Variants in ASIC2 observed in about 807,000 individuals in gnomAD.
ASIC2 encodes the protein acid-sensing ion channel 2.
Under a neutral mutation model 57.3 loss-of-function variants are expected in ASIC2, and 25 were observed. That is an observed-to-expected ratio of 0.44 (90% CI 0.32 to 0.61). The LOEUF (loss-of-function observed/expected upper bound fraction) is 0.61. ASIC2 is among the 20% of genes least tolerant of loss of function. The probability of loss-of-function intolerance (pLI) is 0.06; values close to 1 mark genes in which losing one functional copy is unlikely to be tolerated. For synonymous variants in ASIC2, 319 were observed against 307.5 expected, an observed-to-expected ratio of 1.04 and a Z score of -0.39; for missense variants, 641 against 738.1, an observed-to-expected ratio of 0.87 and a Z score of 1.52.
At chr17:33,750,547 G>A (rs1404236944) in intron 1 of ASIC2, among the ~76,000 whole-genome samples, 3 of 152,068 alleles carry the variant, frequency 2.0e-5, no homozygotes, top group Admixed American at 6.6e-5. Context: ...TAGTGCCGAG[G>A]GCCCTACATT....
intron 1 of ASIC2, among the ~76,000 whole-genome samples, chr17:33,626,080 T>C (rs1271104973): frequency 2.0e-5 from 3 of 152,212 alleles, no homozygotes; most frequent in African/African-American, 7.2e-5. Flanking sequence ...CATTAGCAAC[T>C]CACATTATCT....
intron 1 of ASIC2, among the ~76,000 whole-genome samples, chr17:33,986,127 C>A (rs909214202): frequency 6.6e-6 from 1 of 152,104 alleles, no homozygotes; most frequent in Non-Finnish European, 1.5e-5. Flanking sequence ...AGACACCATA[C>A]AATTTCATAA....
intron 1 of ASIC2, among the ~76,000 whole-genome samples, chr17:33,810,460 G>T (rs1408418794): frequency 6.6e-6 from 1 of 152,190 alleles, no homozygotes; most frequent in Admixed American, 6.5e-5. Context: ...AAAGAACCCA[G>T]GTAATGATTC....
At chr17:33,892,169 A>G (rs1914978062) in intron 1 of ASIC2, among the ~76,000 whole-genome samples, 1 of 152,242 alleles carries the variant, frequency 6.6e-6, no homozygotes, top group Non-Finnish European at 1.5e-5. Flanking sequence ...TTTGAGAAAT[A>G]GACAATGAAC....
At chr17:34,074,007 T>C (rs1909527820) in intron 1 of ASIC2, among the ~76,000 whole-genome samples, 1 of 152,088 alleles carries the variant, frequency 6.6e-6, no homozygotes, top group South Asian at 2.1e-4. Flanking sequence ...CAGTTCCTTC[T>C]CTCCCCAGAA....
At chr17:33,968,900 T>TTGTG (rs1476430929) in intron 1 of ASIC2, among the ~76,000 whole-genome samples, 4 of 152,228 alleles carry the variant, frequency 2.6e-5, no homozygotes, top group African/African-American at 9.6e-5. Flanking sequence ...GACAGGGGGC[T>TTGTG]TGTGACAGGT....
At chr17:33,019,361 T>C (rs551888122) in intron 7 of ASIC2, among the ~76,000 whole-genome samples, 4 of 151,536 alleles carry the variant, frequency 2.6e-5, no homozygotes, top group South Asian at 4.2e-4. Context: ...GTGGGTGTGC[T>C]TGTGTGTGTA....
chr17:33,224,427 G>C (rs1907801685), intron 1 of ASIC2, among the ~76,000 whole-genome samples: 1 of 152,192 alleles, frequency 6.6e-6, no homozygotes, highest in Non-Finnish European at 1.5e-5. Flanking sequence ...GGTCAGAGGA[G>C]TGAGATCAAG....
intron 1 of ASIC2, among the ~76,000 whole-genome samples, chr17:33,852,189 G>C (rs1456821434): frequency 6.6e-6 from 1 of 152,248 alleles, no homozygotes; most frequent in Non-Finnish European, 1.5e-5. Flanking sequence ...TTATTAAGGA[G>C]AACAAGGAGA....
At chr17:33,133,134 C>T (rs969755411) in intron 1 of ASIC2, among the ~76,000 whole-genome samples, 2 of 152,194 alleles carry the variant, frequency 1.3e-5, no homozygotes, top group Admixed American at 6.5e-5. Flanking sequence ...GCGATCAGCT[C>T]TCACCTGAGC....
At chr17:34,087,368 C>A (rs937465938) in intron 1 of ASIC2, among the ~76,000 whole-genome samples, 1 of 151,946 alleles carries the variant, frequency 6.6e-6, no homozygotes, top group African/African-American at 2.4e-5. Flanking sequence ...AATATTGGCC[C>A]CCACTCTCTT....
chr17:33,692,738 T>C lies in ASIC2; in HGVS notation c.555+463240A>G, dbSNP rs539578225. ...CCCTAATGTATGACTGGCAGTGCAG[T>C]ACGTTTATTTACACCAGCATCACTA... On this transcript the variant is annotated intron_variant, in intron 1 of 9. Coordinates refer to the ASIC2 transcript ENST00000359872. 4.6e-5 allele frequency among the ~76,000 whole-genome samples: 7 copies of C among 152,306 alleles called. No individual in the cohort carries two copies. In the East Asian group the frequency reaches 1.4e-3, roughly 29 times the overall value.
At chr17:33,649,925 A>G (rs561392815) in intron 1 of ASIC2, among the ~76,000 whole-genome samples, 2 of 152,248 alleles carry the variant, frequency 1.3e-5, no homozygotes, top group African/African-American at 2.4e-5. Flanking sequence ...TAGAAAAAAT[A>G]TAGATAAATT....
At chr17:33,235,246 C>T (rs1287759009) in intron 1 of ASIC2, among the ~76,000 whole-genome samples, 1 of 152,106 alleles carries the variant, frequency 6.6e-6, no homozygotes, top group Admixed American at 6.5e-5. Flanking sequence ...GCACCTTCTC[C>T]CTCCCCCTTC....
chr17:33,898,857 G>A (rs1308678844), intron 1 of ASIC2, among the ~76,000 whole-genome samples: 1 of 151,964 alleles, frequency 6.6e-6, no homozygotes, highest in East Asian at 1.9e-4. Flanking sequence ...AAATACATAG[G>A]CTTGGCAGGT....
chr17:33,990,029 G>A (rs1449785774), intron 1 of ASIC2, among the ~76,000 whole-genome samples: 1 of 152,232 alleles, frequency 6.6e-6, no homozygotes, highest in East Asian at 1.9e-4. Flanking sequence ...AGCCCAAGCT[G>A]TCTTTGAGGT....
At chr17:33,412,059 C>CA (rs72204169) in intron 1 of ASIC2, among the ~76,000 whole-genome samples, 44 of 151,660 alleles carry the variant, frequency 2.9e-4, no homozygotes, top group East Asian at 5.8e-4. Flanking sequence ...ACCAAAAACA[C>CA]ACAAAAAACA....
At chr17:33,380,999 G>A (rs945292889) in intron 1 of ASIC2, among the ~76,000 whole-genome samples, 11 of 152,182 alleles carry the variant, frequency 7.2e-5, no homozygotes, top group African/African-American at 2.7e-4. Context: ...GGAGGGATTT[G>A]TATTTTAAAG....
At chr17:33,885,230 A>G (rs1914800904) in intron 1 of ASIC2, among the ~76,000 whole-genome samples, 1 of 152,176 alleles carries the variant, frequency 6.6e-6, no homozygotes, top group Admixed American at 6.6e-5. Context: ...CTCAAAGTCT[A>G]TACTTTTCCG....
Sources: allele counts gnomAD v4.1 joint callset (sites outside exome capture counted in the v4.1 genomes callset), GRCh38; gene constraint gnomAD v4.1.1; transcripts MANE v1.5; gene names NCBI Gene and HGNC (gene_info 2026-07-23, HGNC 2026-07-21).